POLD1: variants seen among roughly 807,000 people sequenced by gnomAD.
The protein encoded by POLD1 is DNA polymerase delta 1, catalytic subunit, also known as DNA polymerase delta catalytic subunit.
In POLD1, 79 loss-of-function variants were observed where a neutral mutation model predicts 129.7. The observed-to-expected ratio is 0.61, with a 90% CI of 0.51 to 0.73. The LOEUF is 0.73. Among genes scored for constraint, POLD1 ranks in the 30% least tolerant of loss-of-function variants. The pLI is 0.00. For missense variants in POLD1, 1,338 were observed against 1,595.8 expected (o/e 0.84, Z 2.75); for synonymous variants, 714 against 683.3 (o/e 1.04, Z -0.70).
chr19:50,394,168 G>A (rs989328655), intron 1 of POLD1: 1 of 152,250 alleles, frequency 6.6e-6, no homozygotes, highest in African/African-American at 2.4e-5. Context: ...CCATGTTCCA[G>A]CCACTGTGAC....
Position 50,406,373 on chromosome 19 carries a change from G to A in POLD1, c.1384-34G>A. ...CCTGTCCTTGGAAGGCCACTGCCCA[G>A]GCCCGCAGCCCACCAGCCCACCCAC... On this transcript the variant is annotated intron_variant, in intron 11 of 26. Transcript: ENST00000440232. The surrounding 1 kb of genome is among the most constrained non-coding windows in gnomAD (Gnocchi z 5.5). 6.2e-7 allele frequency: 1 copy of A among 1,610,940 alleles called. No individual in the cohort carries two copies. The highest frequency in any genetic ancestry group is 1.7e-4 in the Middle Eastern group (1 of 6,040).
At chr19:50,388,443 G>A (rs1457649845) in intron 1 of POLD1, among the ~76,000 whole-genome samples, 4 of 151,980 alleles carry the variant, frequency 2.6e-5, no homozygotes, top group African/African-American at 9.7e-5. Flanking sequence ...TTATACATAT[G>A]CCCTGCATTA....
chr19:50,384,597 G>C (rs1466488505), intron 1 of POLD1, among the ~76,000 whole-genome samples: 1 of 151,890 alleles, frequency 6.6e-6, no homozygotes, highest in Non-Finnish European at 1.5e-5. Flanking sequence ...TTCCTCGGCG[G>C]GCAGGGGGCG....
chr19:50,417,522 G>T (rs62113958), intron 26 of POLD1, among the ~76,000 whole-genome samples: 1 of 152,128 alleles, frequency 6.6e-6, no homozygotes, highest in Admixed American at 6.5e-5. Context: ...CTGTCCTCCC[G>T]ACACACCCAG....
At chr19:50,403,349 G>C in intron 9 of POLD1, 130 bp downstream of exon 9, 2 of 1,142,716 alleles carry the variant, frequency 1.8e-6, no homozygotes, top group Non-Finnish European at 2.6e-6. Flanking sequence ...GGTCTGGGTG[G>C]GCCCCTGTGC....
intron 1 of POLD1, among the ~76,000 whole-genome samples, chr19:50,386,915 G>T (rs367887113): frequency 6.6e-6 from 1 of 152,226 alleles, no homozygotes; most frequent in Non-Finnish European, 1.5e-5. Flanking sequence ...AAGCTAGGCC[G>T]GGCGCGGTGG....
Position 50,407,130 on chromosome 19 carries a change from A to C in POLD1, c.1642A>C (p.Ser548Arg). Residue 548 changes from serine (S) to arginine (R), a missense_variant, in exon 13 of 27, where the codon AGT becomes CGT. Coordinates refer to ENST00000440232, the MANE Select transcript of POLD1 (RefSeq NM_002691.4). The part of the protein sequence containing the change: ...VTGVPLSYLL[S>R]RGQQVKVVSQ... ...TGGCGTGCCCCTCAGCTACCTGCTC[A>C]GTCGTGGCCAGCAGGTCAAGGTCGT... 1 of 1,613,044 alleles carries C rather than the reference A, an allele frequency of 6.2e-7. No individual in the cohort carries two copies. Among genetic ancestry groups the C allele is most frequent in the African/African-American group, 1.3e-5 (1 of 75,030 alleles).
In POLD1 at chr19:50,409,437, TA is replaced by T; in HGVS notation, c.2007-81del. 6.3e-7 allele frequency: 1 copy of T among 1,582,900 alleles called. No homozygotes were observed. Among genetic ancestry groups the T allele is most frequent in the Admixed American group, 1.7e-5 (1 of 59,348 alleles). ...GTGCAGTGCACAGTACGCCCAACCG[TA>T]CATGGCACTCACTTCCAGAAAGGAG... On this transcript the variant is annotated intron_variant, in intron 16 of 26. Coordinates refer to ENST00000440232, the MANE Select transcript of POLD1 (RefSeq NM_002691.4). The surrounding 1 kb of genome is among the most constrained non-coding windows in gnomAD (Gnocchi z 5.8).
chr19:50,388,600 A>AAT (rs2038047560), intron 1 of POLD1, among the ~76,000 whole-genome samples: 1 of 152,102 alleles, frequency 6.6e-6, no homozygotes, highest in Non-Finnish European at 1.5e-5. Flanking sequence ...TTTCCCCCTT[A>AAT]ATATTTTGAA....
chr19:50,396,744 G>A (rs1036073535), intron 1 of POLD1, among the ~76,000 whole-genome samples: 2 of 151,984 alleles, frequency 1.3e-5, no homozygotes, highest in Non-Finnish European at 2.9e-5. Context: ...AAAGTGCTGG[G>A]ATTACAGGTG....
intron 22 of POLD1, chr19:50,416,098 C>T: frequency 1.7e-6 from 1 of 579,786 alleles, no homozygotes; most frequent in South Asian, 2.2e-5. Context: ...CATAATCCTC[C>T]AGCTCTACCC....
chr19:50,406,929 T>TACC lies in POLD1; in HGVS notation c.1495-54_1495-53insACC. On this transcript the variant is annotated intron_variant, in intron 12 of 26. Coordinates refer to ENST00000440232, the MANE Select transcript of POLD1 (RefSeq NM_002691.4). The surrounding 1 kb of genome is among the most constrained non-coding windows in gnomAD (Gnocchi z 5.5). ...CCTGACCCCCACTTCCTTCTCCTGC[T>TACC]CCACCTCCCACCCCCAACCCCTGGT... 1.5e-6 allele frequency: 2 copies of TACC among 1,371,526 alleles called. No homozygotes were observed. Among genetic ancestry groups the TACC allele is most frequent in the Non-Finnish European group, 9.9e-7 (1 of 1,006,022 alleles). 85.0% of individuals were successfully genotyped at this position (1,371,526 alleles called of 1,614,324 possible). A position where few individuals can be genotyped will look rare whatever the true frequency, so the allele number is the denominator to read the frequency against.
chr19:50,391,567 C>T (rs888131121), intron 1 of POLD1, among the ~76,000 whole-genome samples: 52 of 151,962 alleles, frequency 3.4e-4, no homozygotes, highest in African/African-American at 1.2e-3. Context: ...CATGGCGGTG[C>T]GTGCCTGCAA....
At chr19:50,408,026 A>G (rs879323270) in intron 14 of POLD1, among the ~76,000 whole-genome samples, 1 of 150,800 alleles carries the variant, frequency 6.6e-6, no homozygotes, top group Admixed American at 6.6e-5. Context: ...ACAGAGCAAC[A>G]CCCCGGCCCT....
At chr19:50,403,886 C>T (rs2038765499) in intron 10 of POLD1, among the ~76,000 whole-genome samples, 1 of 152,148 alleles carries the variant, frequency 6.6e-6, no homozygotes, top group Non-Finnish European at 1.5e-5. Context: ...GAAGCAGCCA[C>T]TGAATCCCAG....
At position 50,407,133 on chromosome 19, in the gene POLD1, C is replaced by A. The variant is rs775734510; in HGVS notation, c.1645C>A (p.Arg549Ser). 6.2e-7 allele frequency: 1 copy of A among 1,612,916 alleles called. No homozygotes were observed. The highest frequency in any genetic ancestry group is 8.5e-7 in the Non-Finnish European group (1 of 1,179,598). Reference sequence around the variant, plus strand: ...CGTGCCCCTCAGCTACCTGCTCAGTCGTGGCCAGCAGGTCAAGGTCGTATC... The same window carrying A: ...CGTGCCCCTCAGCTACCTGCTCAGTAGTGGCCAGCAGGTCAAGGTCGTATC... Reference protein sequence around the residue: ...TGVPLSYLLSRGQQVKVVSQL... With the variant: ...TGVPLSYLLSSGQQVKVVSQL... Residue 549 changes from arginine to serine, a missense_variant, in exon 13 of 27, where the codon CGT becomes AGT. Physicochemically the swap from Arg to Ser is moderately radical, Grantham distance 110. Transcript: ENST00000440232.
chr19:50,403,902 CTTTAGGTTATATCAGCA>C (rs1035439063), intron 10 of POLD1, among the ~76,000 whole-genome samples: 2 of 152,104 alleles, frequency 1.3e-5, no homozygotes, highest in African/African-American at 4.8e-5. Context: ...CCCAGTCTTC[CTTTAGGTTATATCAGCA>C]TAAGGAAAAG....
chr19:50,416,804 C>T (rs919331929), intron 24 of POLD1, 81 bp downstream of exon 24: 14 of 1,166,250 alleles, frequency 1.2e-5, no homozygotes, highest in South Asian at 2.9e-5. Context: ...CCCACCCCAT[C>T]GGCTGGCACT....
At chr19:50,415,352 C>T in intron 20 of POLD1, 86 bp from the exon 21 acceptor site, 1 of 1,351,118 alleles carries the variant, frequency 7.4e-7, no homozygotes, top group Non-Finnish European at 1.0e-6. Context: ...AAGAGCTCAT[C>T]CTGGTCTCCA....
Sources: gnomAD v4.1 joint callset for allele counts (sites outside exome capture counted in the v4.1 genomes callset) on GRCh38, gnomAD v4.1.1 for gene constraint, Gnocchi (gnomAD v3.1) non-coding constraint, MANE v1.5 for transcripts, NCBI Gene and HGNC (gene_info 2026-07-23, HGNC 2026-07-21) for gene names.